PCDHGA9: variants seen among roughly 807,000 people sequenced by gnomAD.
PCDHGA9 encodes the protein protocadherin gamma subfamily A, 9.
Under a neutral mutation model 62.5 loss-of-function variants are expected in PCDHGA9, and 37 were observed. The ratio of observed to expected loss-of-function variants is 0.59; its 90% CI spans 0.46 to 0.78. PCDHGA9 has a LOEUF of 0.78. Among genes scored for constraint, PCDHGA9 ranks in the 30% least tolerant of loss-of-function variants. The probability of loss-of-function intolerance (pLI) is 0.00; values close to 1 mark genes in which losing one functional copy is unlikely to be tolerated. For missense variants in PCDHGA9, 1,138 were observed against 1,166.2 expected (o/e 0.98, Z 0.35); for synonymous variants, 459 against 484.6 (o/e 0.95, Z 0.69).
chr5:141,436,859 A>G (rs550974791), intron 1 of PCDHGA9, among the ~76,000 whole-genome samples: 7 of 152,250 alleles, frequency 4.6e-5, no homozygotes, highest in Non-Finnish European at 1.0e-4. Flanking sequence ...TTGAGAAGCC[A>G]CAGTTTTAGG....
intron 1 of PCDHGA9, chr5:141,420,300 C>T (rs773892933): frequency 1.6e-5 from 24 of 1,467,248 alleles, no homozygotes; most frequent in African/African-American, 2.8e-5. Context: ...TGTATTTAAT[C>T]CTTTTTATAT....
chr5:141,413,381 G>A, intron 1 of PCDHGA9: 1 of 1,613,946 alleles, frequency 6.2e-7, no homozygotes, highest in Non-Finnish European at 8.5e-7. Flanking sequence ...CGCGGAGTCC[G>A]CATAGTCTCC....
At chr5:141,509,968 C>A (rs1450809995) in intron 3 of PCDHGA9, among the ~76,000 whole-genome samples, 1 of 152,166 alleles carries the variant, frequency 6.6e-6, no homozygotes, top group Non-Finnish European at 1.5e-5. Context: ...TGGCCTTGGT[C>A]CTTCTAACAC....
intron 1 of PCDHGA9, chr5:141,423,252 C>T (rs2096724826): frequency 1.2e-6 from 2 of 1,613,802 alleles, no homozygotes; most frequent in South Asian, 2.2e-5. Context: ...TCCTGGCGGA[C>T]CTCGGCAGCC....
At chr5:141,427,355 C>T (rs765449381) in intron 1 of PCDHGA9, 2 of 457,430 alleles carry the variant, frequency 4.4e-6, no homozygotes, top group African/African-American at 2.0e-5. Flanking sequence ...TAACTGAGGA[C>T]GCAGAACCCT....
intron 3 of PCDHGA9, 77 bp downstream of exon 3, chr5:141,505,558 C>T (rs945428797): frequency 3.7e-6 from 6 of 1,605,016 alleles, no homozygotes; most frequent in African/African-American, 1.3e-5. Context: ...ACCATGCCCA[C>T]GGACTGGATG....
rs200625256 is a variant in PCDHGA9 at position 141,477,009 on chromosome 5, A to G, written c.2425-17798A>G. 7.5e-5 allele frequency: 121 copies of G among 1,614,064 alleles called. No homozygotes were observed. Among genetic ancestry groups the G allele is most frequent in the Non-Finnish European group, 9.2e-5 (109 of 1,180,028 alleles). On this transcript the variant is annotated intron_variant, in intron 1 of 3. Transcript: ENST00000573521. This position sits in a 1 kb window ranked among gnomAD's most constrained non-coding sequence, Gnocchi z 4.9. The stretch of plus-strand genomic sequence containing the variant: ...GGCGTGCGGCAACTATTCGCCTTAG[A>G]CCTTGTAACCGGGATGCTGACAATC...
At chr5:141,407,222 C>CA (rs895046980) in intron 1 of PCDHGA9, among the ~76,000 whole-genome samples, 4 of 151,730 alleles carry the variant, frequency 2.6e-5, no homozygotes, top group African/African-American at 7.2e-5. Flanking sequence ...AAGTGGGTAG[C>CA]AAAAAAAATA....
At chr5:141,410,147 G>T in intron 1 of PCDHGA9, 1 of 1,612,952 alleles carries the variant, frequency 6.2e-7, no homozygotes, top group Non-Finnish European at 8.5e-7. Flanking sequence ...TGTGCGTGAC[G>T]GTGGACAGCC....
chr5:141,480,414 CAA>C (rs10712552), intron 1 of PCDHGA9, among the ~76,000 whole-genome samples: 346 of 147,498 alleles, frequency 2.3e-3, no homozygotes, highest in African/African-American at 8.3e-3. Flanking sequence ...GACCCTGTCT[CAA>C]AAAAAAAAAT....
At chr5:141,460,616 T>C (rs905095529) in intron 1 of PCDHGA9, among the ~76,000 whole-genome samples, 8 of 152,114 alleles carry the variant, frequency 5.3e-5, no homozygotes, top group Non-Finnish European at 7.4e-5. Context: ...GATGGATAGA[T>C]AGACAGATAC....
intron 1 of PCDHGA9, among the ~76,000 whole-genome samples, chr5:141,450,832 T>TTATTA (rs764784095): frequency 5.6e-5 from 8 of 142,316 alleles, no homozygotes; most frequent in African/African-American, 2.2e-4. Context: ...TATTATTATT[T>TTATTA]TTTTTTTTTT....
At position 141,408,867 on chromosome 5, in the gene PCDHGA9, G is replaced by T. The variant is rs376342658; in HGVS notation, c.2424+3491G>T. 5.5e-5 allele frequency: 88 copies of T among 1,613,574 alleles called. No homozygotes were observed. The highest frequency in any genetic ancestry group is 6.8e-5 in the Non-Finnish European group (80 of 1,179,830). ...GCCTTGGACGGAGGGGACCCACCAA[G>T]AAGTGCCACCGCTCACATAGAAATT... On this transcript the variant is annotated intron_variant, in intron 1 of 3. Transcript: ENST00000573521.
At chr5:141,409,024 T>C (rs2095212064) in intron 1 of PCDHGA9, 2 of 1,613,988 alleles carry the variant, frequency 1.2e-6, no homozygotes, top group South Asian at 1.1e-5. Context: ...AGGGGGTCAA[T>C]GCTGAGATAA....
At position 141,431,274 on chromosome 5, in the gene PCDHGA9, TC is replaced by T. The variant is rs767658803; in HGVS notation, c.2424+25899del. On this transcript the variant is annotated intron_variant, in intron 1 of 3. Transcript: ENST00000573521. The surrounding 1 kb of genome is among the most constrained non-coding windows in gnomAD (Gnocchi z 4.8). ...AAGAACTCTCTGCAGAGCTACGAGC[TC>T]AGCCCGAACACTCACTTCTCCCTCA... 6 of 1,614,128 alleles carry T rather than the reference TC, an allele frequency of 3.7e-6. No homozygotes were observed. Among genetic ancestry groups the T allele is most frequent in the Non-Finnish European group, 5.1e-6 (6 of 1,180,024 alleles).
chr5:141,483,814 C>A (rs1262593892), intron 1 of PCDHGA9, among the ~76,000 whole-genome samples: 4 of 151,994 alleles, frequency 2.6e-5, no homozygotes, highest in African/African-American at 9.7e-5. Flanking sequence ...TTTTTGGCAG[C>A]CAGTGTAACC....
At position 141,485,149 on chromosome 5, in the gene PCDHGA9, A is replaced by G; in HGVS notation, c.2425-9658A>G. 6.3e-7 allele frequency: 1 copy of G among 1,578,106 alleles called. No individual in the cohort carries two copies. Among genetic ancestry groups the G allele is most frequent in the South Asian group, 1.1e-5 (1 of 89,070 alleles). ...CGGCTTCATCCGCGTCTCAGGAGCA[A>G]GTAGAGAATTAGCGGGCGGCAGCAA... On this transcript the variant is annotated intron_variant, in intron 1 of 3. Transcript: ENST00000573521. This position sits in a 1 kb window ranked among gnomAD's most constrained non-coding sequence, Gnocchi z 5.7.
At chr5:141,440,822 A>T (rs1561900737) in intron 1 of PCDHGA9, 2 of 152,058 alleles carry the variant, frequency 1.3e-5, no homozygotes, top group Non-Finnish European at 2.9e-5. Context: ...TCAACTCCTG[A>T]TCCTATTGGT....
In PCDHGA9 at chr5:141,486,574, C is replaced by T. The variant is rs1435813800; in HGVS notation, c.2425-8233C>T. On this transcript the variant is annotated intron_variant, in intron 1 of 3. Transcript: ENST00000573521. This position sits in a 1 kb window ranked among gnomAD's most constrained non-coding sequence, Gnocchi z 5.0. ...CACATGAGGTGTTTGTTCCTGAGAACAATCGCCCAGGGGACCTGCTTTGCT... is the reference window on the plus strand; with the variant it reads ...CACATGAGGTGTTTGTTCCTGAGAATAATCGCCCAGGGGACCTGCTTTGCT... The T allele has an allele frequency of 1.9e-6, 3 of 1,613,868 alleles. No homozygotes were observed. Among genetic ancestry groups the T allele is most frequent in the Non-Finnish European group, 2.5e-6 (3 of 1,180,002 alleles).
Sources: gnomAD v4.1 joint callset for allele counts (sites outside exome capture counted in the v4.1 genomes callset) on GRCh38, gnomAD v4.1.1 for gene constraint, Gnocchi (gnomAD v3.1) non-coding constraint, MANE v1.5 for transcripts, NCBI Gene and HGNC (gene_info 2026-07-23, HGNC 2026-07-21) for gene names.